The following KHDRBS2 variants were observed in gnomAD, a reference collection of about 807,000 sequenced individuals.
KHDRBS2 encodes the protein KH domain-containing, RNA-binding, signal transduction-associated protein 2.
KHDRBS2 carries 26 observed loss-of-function variants against 44.3 expected under a neutral mutation model. The ratio of observed to expected loss-of-function variants is 0.59; its 90% CI spans 0.43 to 0.81. KHDRBS2 has a LOEUF of 0.81. Among genes scored for constraint, KHDRBS2 ranks in the 40% least tolerant of loss-of-function variants. The pLI, the probability that KHDRBS2 is intolerant of heterozygous loss-of-function variation, is 0.00. For synonymous variants in KHDRBS2, 194 were observed against 151.1 expected, an observed-to-expected ratio of 1.28 and a Z score of -2.08; for missense variants, 476 against 433.1, an observed-to-expected ratio of 1.10 and a Z score of -0.88.
intron 6 of KHDRBS2, among the ~76,000 whole-genome samples, chr6:61,745,882 G>A (rs879597085): frequency 1.3e-5 from 2 of 151,788 alleles, no homozygotes; most frequent in Non-Finnish European, 2.9e-5. Context: ...CCTTTAAGTG[G>A]GGTTAAAAAT....
At chr6:62,052,814 G>A (rs1039400614) in intron 2 of KHDRBS2, among the ~76,000 whole-genome samples, 16 of 152,028 alleles carry the variant, frequency 1.1e-4, no homozygotes, top group African/African-American at 3.9e-4. Flanking sequence ...GGCAGTAATG[G>A]TAATGCTGGC....
At chr6:61,836,839 C>T (rs1197128796) in intron 6 of KHDRBS2, among the ~76,000 whole-genome samples, 5 of 151,910 alleles carry the variant, frequency 3.3e-5, no homozygotes, top group Non-Finnish European at 7.4e-5. Context: ...CTTTTGGAGG[C>T]CAAAGTATTT....
intron 1 of KHDRBS2, among the ~76,000 whole-genome samples, chr6:62,258,900 T>C (rs1481207635): frequency 6.6e-6 from 1 of 152,056 alleles, no homozygotes; most frequent in Admixed American, 6.6e-5. Flanking sequence ...GACAGCATTC[T>C]GGAGCATACC....
chr6:61,812,731 T>C (rs1189580551), intron 6 of KHDRBS2, among the ~76,000 whole-genome samples: 1 of 151,960 alleles, frequency 6.6e-6, no homozygotes, highest in East Asian at 1.9e-4. Context: ...ACAGAATAAA[T>C]ACATATTTAA....
In KHDRBS2 at chr6:61,688,434, A is replaced by C. The variant is rs1482971930; in HGVS notation, c.953-7374T>G. Among the ~76,000 whole-genome samples, 14 of 151,890 alleles carry C rather than the reference A, an allele frequency of 9.2e-5. No individual in the cohort carries two copies. In the Admixed American group the frequency reaches 9.2e-4, roughly 10 times the overall value. ...TTTTTGAAATGCACATAAGGAGTTT[A>C]TAATATGAGGAATAACAGAAGGGAG... On this transcript the variant is annotated intron_variant, in intron 8 of 8. Coordinates refer to ENST00000281156, the MANE Select transcript of KHDRBS2 (RefSeq NM_152688.4).
intron 6 of KHDRBS2, among the ~76,000 whole-genome samples, chr6:61,765,420 C>T (rs942157204): frequency 2.6e-5 from 4 of 152,002 alleles, no homozygotes; most frequent in Non-Finnish European, 4.4e-5. Flanking sequence ...CACTGCACTC[C>T]AACGTGGGCA....
intron 6 of KHDRBS2, among the ~76,000 whole-genome samples, chr6:61,856,887 T>G (rs1225301387): frequency 6.6e-6 from 1 of 152,090 alleles, no homozygotes; most frequent in African/African-American, 2.4e-5. Context: ...TCCTTTCATT[T>G]TACTTATAGT....
chr6:61,814,023 A>G (rs1255332540), intron 6 of KHDRBS2: 1 of 455,978 alleles, frequency 2.2e-6, no homozygotes, highest in South Asian at 1.5e-5. Context: ...TTGAACTCCA[A>G]TTAGATTAAT....
intron 2 of KHDRBS2, among the ~76,000 whole-genome samples, chr6:62,168,293 T>C (rs1819118201): frequency 6.6e-6 from 1 of 152,148 alleles, no homozygotes; most frequent in African/African-American, 2.4e-5. Flanking sequence ...AAATATAAAG[T>C]GGGCCTTGGG....
chr6:62,091,647 C>A (rs979196280), intron 2 of KHDRBS2, among the ~76,000 whole-genome samples: 16 of 151,996 alleles, frequency 1.1e-4, no homozygotes, highest in African/African-American at 3.9e-4. Context: ...TGAAAAGATA[C>A]CACTTTTTCA....
intron 2 of KHDRBS2, among the ~76,000 whole-genome samples, chr6:62,076,818 T>C (rs1205290001): frequency 6.6e-6 from 1 of 151,912 alleles, no homozygotes; most frequent in Non-Finnish European, 1.5e-5. Context: ...ACTGAGTTGG[T>C]AGGATTGCTT....
the KHDRBS2 span, among the ~76,000 whole-genome samples, chr6:61,614,005 C>T: frequency 1.3e-5 from 2 of 152,164 alleles, no homozygotes; most frequent in East Asian, 3.9e-4. Flanking sequence ...TATTTTGATT[C>T]AAGTCAAAAG....
At chr6:61,550,355 G>A in the KHDRBS2 span, among the ~76,000 whole-genome samples, 3 of 152,096 alleles carry the variant, frequency 2.0e-5, no homozygotes, top group African/African-American at 4.8e-5. Flanking sequence ...TGTCTATGTT[G>A]CTGCAAAGGG....
intron 1 of KHDRBS2, among the ~76,000 whole-genome samples, chr6:62,210,022 G>A (rs1417819911): frequency 6.6e-6 from 1 of 152,040 alleles, no homozygotes; most frequent in Non-Finnish European, 1.5e-5. Context: ...GATTCTGTGA[G>A]TCAATACTTC....
chr6:62,285,066 G>T (rs865818464), intron 1 of KHDRBS2, among the ~76,000 whole-genome samples: 1 of 152,094 alleles, frequency 6.6e-6, no homozygotes, highest in Non-Finnish European at 1.5e-5. Flanking sequence ...TATTTAGATG[G>T]CATTATTATA....
Position 61,983,711 on chromosome 6 carries a change from T to G in KHDRBS2, c.337-5499A>C, listed in dbSNP as rs574662409. ...CATGTGGTCAGTTATCATTATTGCT[T>G]CACTTAGGTTATAATCAAGCCAAAT... On this transcript the variant is annotated intron_variant, in intron 3 of 8. Transcript: ENST00000281156. Among the ~76,000 whole-genome samples, 8 of 152,284 alleles carry G rather than the reference T, an allele frequency of 5.3e-5. 1 individual carries two copies. The South Asian group carries it at 8.3e-4, about 16-fold the overall frequency.
At chr6:61,859,863 TATA>T (rs1426138955) in intron 6 of KHDRBS2, among the ~76,000 whole-genome samples, 1 of 152,010 alleles carries the variant, frequency 6.6e-6, no homozygotes, top group Admixed American at 6.6e-5. Flanking sequence ...AAGCTGAAGA[TATA>T]ATAATTATAA....
chr6:61,780,649 C>T (rs1475694297), intron 6 of KHDRBS2, among the ~76,000 whole-genome samples: 1 of 152,146 alleles, frequency 6.6e-6, no homozygotes, highest in African/African-American at 2.4e-5. Context: ...ATCATTTTTA[C>T]CCACAAAACA....
At chr6:61,691,185 G>C (rs1362134027) in intron 8 of KHDRBS2, among the ~76,000 whole-genome samples, 1 of 152,084 alleles carries the variant, frequency 6.6e-6, no homozygotes, top group Non-Finnish European at 1.5e-5. Context: ...AAAACTGTTG[G>C]ATTAAGGAGT....
Sources: allele counts gnomAD v4.1 joint callset (sites outside exome capture counted in the v4.1 genomes callset), GRCh38; gene constraint gnomAD v4.1.1; transcripts MANE v1.5; gene names NCBI Gene and HGNC (gene_info 2026-07-23, HGNC 2026-07-21).